The following NEGR1 variants were observed in gnomAD, a reference collection of about 807,000 sequenced individuals.
NEGR1 encodes the protein IgLON family member 4.
NEGR1 carries 10 observed loss-of-function variants against 40.9 expected under a neutral mutation model. The ratio of observed to expected loss-of-function variants is 0.24; its 90% CI spans 0.15 to 0.42. The LOEUF is 0.42. NEGR1 is among the 10% of genes least tolerant of loss of function. The pLI is 1.00. For missense variants in NEGR1, 352 were observed against 438.9 expected, an observed-to-expected ratio of 0.80 and a Z score of 1.77; for synonymous variants, 185 against 166.8, an observed-to-expected ratio of 1.11 and a Z score of -0.84.
At chr1:71,976,693 C>T (rs956935253) in intron 1 of NEGR1, among the ~76,000 whole-genome samples, 4 of 151,966 alleles carry the variant, frequency 2.6e-5, no homozygotes, top group African/African-American at 4.8e-5. Flanking sequence ...TTTTATTGTG[C>T]AATTTTTTTA....
intron 6 of NEGR1, among the ~76,000 whole-genome samples, chr1:71,435,854 T>A (rs1424750570): frequency 6.6e-6 from 1 of 152,198 alleles, no homozygotes; most frequent in Non-Finnish European, 1.5e-5. Flanking sequence ...TCTTTTGATA[T>A]TGGCCAATAC....
chr1:71,758,336 A>G (rs1158011088), intron 3 of NEGR1, among the ~76,000 whole-genome samples: 1 of 152,120 alleles, frequency 6.6e-6, no homozygotes, highest in Non-Finnish European at 1.5e-5. Flanking sequence ...TATTAGTCAC[A>G]TTAAGATTTT....
At position 72,188,237 on chromosome 1, in the gene NEGR1, G is replaced by C. The variant is rs1261606024; in HGVS notation, c.176+94082C>G. Reference sequence around the variant, plus strand: ...TTTTTGAAAGATGAACCTTTCAAAAGGCTCAGTTTTATCAGTAAATTATAA... The same window carrying C: ...TTTTTGAAAGATGAACCTTTCAAAACGCTCAGTTTTATCAGTAAATTATAA... On this transcript the variant is annotated intron_variant, in intron 1 of 6. Coordinates refer to ENST00000357731, the MANE Select transcript of NEGR1 (RefSeq NM_173808.3). 9.9e-5 allele frequency among the ~76,000 whole-genome samples: 15 copies of C among 151,340 alleles called. No homozygotes were observed. In the Admixed American group the frequency reaches 9.9e-4, roughly 10 times the overall value.
intron 6 of NEGR1, among the ~76,000 whole-genome samples, chr1:71,506,372 C>A (rs938107006): frequency 6.6e-6 from 1 of 152,090 alleles, no homozygotes; most frequent in East Asian, 1.9e-4. Context: ...CAACCTGTTA[C>A]TTTTGTCTCC....
chr1:72,065,878 G>A (rs1467607977), intron 1 of NEGR1, among the ~76,000 whole-genome samples: 1 of 151,954 alleles, frequency 6.6e-6, no homozygotes, highest in East Asian at 1.9e-4. Context: ...GCTACCAGAG[G>A]TTATTAAATG....
intron 4 of NEGR1, among the ~76,000 whole-genome samples, chr1:71,659,225 G>A (rs1023953369): frequency 6.6e-6 from 1 of 152,114 alleles, no homozygotes; most frequent in Non-Finnish European, 1.5e-5. Context: ...ACCATAAAGA[G>A]TTAAGCCAAT....
chr1:72,105,952 G>T (rs1263253598), intron 1 of NEGR1, among the ~76,000 whole-genome samples: 1 of 152,076 alleles, frequency 6.6e-6, no homozygotes, highest in Non-Finnish European at 1.5e-5. Flanking sequence ...ATTCATAAGA[G>T]ATGCCAGATG....
At chr1:72,017,541 C>T (rs971048297) in intron 1 of NEGR1, among the ~76,000 whole-genome samples, 3 of 151,914 alleles carry the variant, frequency 2.0e-5, no homozygotes, top group African/African-American at 7.3e-5. Flanking sequence ...CTCAAATGAA[C>T]CTTTAAATGA....
At chr1:71,886,332 A>C (rs181404140) in intron 2 of NEGR1, among the ~76,000 whole-genome samples, 1 of 152,220 alleles carries the variant, frequency 6.6e-6, no homozygotes, top group Admixed American at 6.5e-5. Flanking sequence ...GTAAAACCTA[A>C]AGTTTCTATT....
chr1:71,876,316 G>C (rs1448537231), intron 2 of NEGR1, among the ~76,000 whole-genome samples: 1 of 152,042 alleles, frequency 6.6e-6, no homozygotes, highest in African/African-American at 2.4e-5. Flanking sequence ...TTCAAGACAA[G>C]CCTAGGCAAC....
rs1347009367 is a variant in NEGR1 at position 72,252,364 on chromosome 1, G to T, written c.176+29955C>A. On this transcript the variant is annotated intron_variant, in intron 1 of 6. Coordinates refer to ENST00000357731, the MANE Select transcript of NEGR1 (RefSeq NM_173808.3). The stretch of plus-strand genomic sequence containing the variant: ...CAGCCTTCAGCCTTACTTCTTAAAG[G>T]TTTGTCTAGGGAAGTCAGGGAGTTT... Among the ~76,000 whole-genome samples the T allele has an allele frequency of 2.6e-5, 4 of 152,000 alleles. No individual in the cohort carries two copies. The South Asian group carries it at 8.3e-4, about 32-fold the overall frequency.
intron 6 of NEGR1, among the ~76,000 whole-genome samples, chr1:71,561,551 T>G (rs1359403398): frequency 6.6e-6 from 1 of 151,758 alleles, no homozygotes; most frequent in Admixed American, 6.6e-5. Flanking sequence ...TTTGAAGAGA[T>G]AATTGCAAAA....
At chr1:72,255,148 C>T (rs907289428) in intron 1 of NEGR1, among the ~76,000 whole-genome samples, 2 of 151,188 alleles carry the variant, frequency 1.3e-5, no homozygotes, top group African/African-American at 2.5e-5. Context: ...GAAAAATGAA[C>T]CTGTGAACAG....
chr1:72,231,089 T>G (rs760184054), intron 1 of NEGR1, among the ~76,000 whole-genome samples: 2 of 152,132 alleles, frequency 1.3e-5, no homozygotes, highest in Non-Finnish European at 2.9e-5. Flanking sequence ...TGCATGAAAG[T>G]TGTTGGCTAG....
intron 1 of NEGR1, among the ~76,000 whole-genome samples, chr1:71,980,775 T>G (rs1258158027): frequency 2.6e-5 from 4 of 152,156 alleles, no homozygotes; most frequent in Non-Finnish European, 2.9e-5. Flanking sequence ...TGCCACTTCC[T>G]GCCCTATATG....
At chr1:71,985,694 G>C (rs142085489) in intron 1 of NEGR1, among the ~76,000 whole-genome samples, 137 of 152,254 alleles carry the variant, frequency 9.0e-4, no homozygotes, top group African/African-American at 3.0e-3. Flanking sequence ...TCTAGAAATG[G>C]TAACCATAGA....
At chr1:71,875,074 T>A (rs369771695) in intron 2 of NEGR1, among the ~76,000 whole-genome samples, 1 of 152,118 alleles carries the variant, frequency 6.6e-6, no homozygotes, top group South Asian at 2.1e-4. Flanking sequence ...CTCAAAATCC[T>A]AGGCTCAAGC....
intron 3 of NEGR1, among the ~76,000 whole-genome samples, chr1:71,761,493 A>T (rs1655939861): frequency 2.0e-5 from 3 of 152,320 alleles, no homozygotes; most frequent in African/African-American, 7.2e-5. Flanking sequence ...ACTATTTTGT[A>T]TTCTTGATTG....
chr1:72,215,057 A>G (rs1264613708), intron 1 of NEGR1, among the ~76,000 whole-genome samples: 1 of 152,000 alleles, frequency 6.6e-6, no homozygotes, highest in Non-Finnish European at 1.5e-5. Context: ...CAGAAATAAC[A>G]CCACACATTT....
Sources: allele counts gnomAD v4.1 joint callset (sites outside exome capture counted in the v4.1 genomes callset), GRCh38; gene constraint gnomAD v4.1.1; transcripts MANE v1.5; gene names NCBI Gene and HGNC (gene_info 2026-07-23, HGNC 2026-07-21).